The following GOLGA5 variants were observed in gnomAD, a reference collection of about 807,000 sequenced individuals.
The protein encoded by GOLGA5 is golgin subfamily A member 5.
In GOLGA5, 50 loss-of-function variants were observed where a neutral mutation model predicts 93.5. The observed-to-expected ratio is 0.53, with a 90% CI of 0.43 to 0.68. The LOEUF (loss-of-function observed/expected upper bound fraction) is 0.68, where lower values mean the gene tolerates loss of function less well. Among genes scored for constraint, GOLGA5 ranks in the 30% least tolerant of loss-of-function variants. The pLI, the probability that GOLGA5 is intolerant of heterozygous loss-of-function variation, is 0.00. For synonymous variants in GOLGA5, 312 were observed against 304.5 expected (o/e 1.02, Z -0.26); for missense variants, 760 against 856.4 (o/e 0.89, Z 1.40).
chr14:92,802,749 C>T (rs967593068), intron 2 of GOLGA5, among the ~76,000 whole-genome samples: 1 of 150,838 alleles, frequency 6.6e-6, no homozygotes, highest in Non-Finnish European at 1.5e-5. Context: ...TTTAATAAAT[C>T]AATTTATTTA....
intron 5 of GOLGA5, among the ~76,000 whole-genome samples, 155 bp from the exon 6 acceptor site, chr14:92,811,396 A>G (rs1443033889): frequency 6.6e-6 from 1 of 152,202 alleles, no homozygotes; most frequent in African/African-American, 2.4e-5. Flanking sequence ...TACATTTCCT[A>G]TACTTTAGCT....
rs771959999 is a variant in GOLGA5, at chr14:92,809,461, G to A, written c.934G>A (p.Asp312Asn). 5 of 1,614,000 alleles carry A rather than the reference G, an allele frequency of 3.1e-6. No individual in the cohort carries two copies. In the South Asian group the frequency reaches 4.4e-5, roughly 14 times the overall value. ...ACTGAAAGTGAGACTCCAGGAAGCT[G>A]ACCAGCTACTGAGTACTCGCACAGA... ...AVLKVRLQEA[D>N]QLLSTRTEAL... Residue 312 changes from aspartate (D) to asparagine (N), a missense_variant, in exon 4 of 13, where the codon GAC (aspartate) becomes AAC (asparagine). By Grantham distance (23) the Asp-to-Asn change is conservative. Coordinates refer to ENST00000163416, the MANE Select transcript of GOLGA5 (RefSeq NM_005113.4).
chr14:92,827,877 C>T (rs1335819097), intron 9 of GOLGA5, among the ~76,000 whole-genome samples: 3 of 152,182 alleles, frequency 2.0e-5, no homozygotes, highest in Non-Finnish European at 4.4e-5. Flanking sequence ...TCCCTTAAGC[C>T]GAAGCCTAAT....
At position 92,837,353 on chromosome 14, in the gene GOLGA5, T is replaced by G. The variant is rs748167479; in HGVS notation, c.2052-33T>G. 52 of 1,097,650 alleles carry G rather than the reference T, an allele frequency of 4.7e-5. 1 individual carries two copies. The Admixed American group carries it at 1.0e-3, about 22-fold the overall frequency. The allele number at this position is 1,097,650 out of a possible 1,614,324, so 68.0% of individuals were successfully genotyped here. On this transcript the variant is annotated intron_variant, in intron 11 of 12. Transcript: ENST00000163416. The stretch of plus-strand genomic sequence containing the variant: ...ATTTGTTTTGACTGTGACTCTTCTC[T>G]CTCCTCTCCCCCTCACACCTGTGTC...
chr14:92,839,646 A>G lies in GOLGA5; in HGVS notation c.*200A>G, dbSNP rs752074655. ...ATGGTAAGAGTTTCTAAAACAGACA[A>G]TAATTTAACAAGCTCAGCTCTGCTT... is the stretch of plus-strand genomic sequence containing the variant. On this transcript the variant is annotated 3_prime_UTR_variant, in exon 13 of 13. Coordinates refer to ENST00000163416, the MANE Select transcript of GOLGA5 (RefSeq NM_005113.4). 648 of 589,812 alleles carry G rather than the reference A, an allele frequency of 1.1e-3. 7 individuals are homozygous for G. Among genetic ancestry groups the G allele is most frequent in the Admixed American group, 7.3e-4 (24 of 33,088 alleles). 36.5% of individuals were successfully genotyped at this position (589,812 alleles called of 1,614,324 possible).
At chr14:92,814,698 T>C (rs1223219783) in intron 6 of GOLGA5, among the ~76,000 whole-genome samples, 1 of 152,226 alleles carries the variant, frequency 6.6e-6, no homozygotes, top group Non-Finnish European at 1.5e-5. Flanking sequence ...AAATTATTTT[T>C]GATGGAGGAG....
At chr14:92,816,847 A>C (rs1368878735) in intron 7 of GOLGA5, among the ~76,000 whole-genome samples, 1 of 152,226 alleles carries the variant, frequency 6.6e-6, no homozygotes, top group Non-Finnish European at 1.5e-5. Context: ...GGGCTGTTGC[A>C]GCCCGTGCTG....
At chr14:92,813,171 C>T (rs1353835456) in intron 6 of GOLGA5, among the ~76,000 whole-genome samples, 1 of 152,180 alleles carries the variant, frequency 6.6e-6, no homozygotes, top group Non-Finnish European at 1.5e-5. Context: ...TTGATCTCCT[C>T]CTCAAACTCT....
At chr14:92,794,953 T>G (rs974694938) in intron 1 of GOLGA5, among the ~76,000 whole-genome samples, 5 of 152,246 alleles carry the variant, frequency 3.3e-5, no homozygotes, top group African/African-American at 1.2e-4. Flanking sequence ...CCTTCGTGTC[T>G]TTGAGATGTT....
chr14:92,809,223 CAA>C (rs1468283671), intron 3 of GOLGA5, 75 bp from the exon 4 acceptor site: 22 of 946,326 alleles, frequency 2.3e-5, no homozygotes, highest in Non-Finnish European at 3.6e-5. Context: ...TAAAGGCACT[CAA>C]AGTAGAAACT....
chr14:92,819,885 A>G (rs17128596), intron 8 of GOLGA5, 49 bp downstream of exon 8: 93,575 of 1,587,234 alleles, frequency 0.059, 3,050 homozygotes, highest in African/African-American at 0.098. Flanking sequence ...TCTAGCGGTC[A>G]TATGAGCAGA....
At chr14:92,822,587 T>A (rs1448733570) in intron 8 of GOLGA5, among the ~76,000 whole-genome samples, 1 of 152,198 alleles carries the variant, frequency 6.6e-6, no homozygotes, top group Non-Finnish European at 1.5e-5. Context: ...TAATATGAAT[T>A]GCAAATAATT....
intron 11 of GOLGA5, 87 bp downstream of exon 11, chr14:92,835,751 A>G (rs1388537473): frequency 4.3e-6 from 3 of 699,272 alleles, no homozygotes; most frequent in Non-Finnish European, 5.2e-6. Flanking sequence ...CCCATCAGGC[A>G]GAGTCTATAT....
intron 2 of GOLGA5, among the ~76,000 whole-genome samples, chr14:92,799,630 G>C (rs555625284): frequency 6.7e-6 from 1 of 148,478 alleles, no homozygotes; most frequent in Non-Finnish European, 1.5e-5. Flanking sequence ...TTTGTGAGAC[G>C]GAGTCTCGCT....
At chr14:92,838,564 C>T (rs1484981648) in intron 12 of GOLGA5, among the ~76,000 whole-genome samples, 2 of 152,082 alleles carry the variant, frequency 1.3e-5, no homozygotes, top group Non-Finnish European at 1.5e-5. Context: ...TGGGTTTTCA[C>T]TATGTTGGCC....
In GOLGA5 at chr14:92,833,264, G is replaced by A. The variant is rs368512639; in HGVS notation, c.1862G>A (p.Arg621His). The A allele has an allele frequency of 1.6e-5, 26 of 1,613,862 alleles. No individual in the cohort carries two copies. Among genetic ancestry groups the A allele is most frequent in the South Asian group, 1.4e-4 (13 of 91,072 alleles). The change falls in exon 10 of 13, where the codon CGC becomes CAC. Residue 621 changes from arginine (R) to histidine (H), a missense_variant. Transcript: ENST00000163416. ...EKNSLVFQLE[R>H]LEQQMNSASG... ...AACTCCCTGGTCTTTCAACTGGAGCGCCTCGAACAGCAGATGAACTCCGCC... is the reference window on the plus strand; with the variant it reads ...AACTCCCTGGTCTTTCAACTGGAGCACCTCGAACAGCAGATGAACTCCGCC...
At chr14:92,837,825 G>C (rs1885678451) in intron 12 of GOLGA5, among the ~76,000 whole-genome samples, 1 of 152,144 alleles carries the variant, frequency 6.6e-6, no homozygotes, top group African/African-American at 2.4e-5. Context: ...TGGCCTCTCA[G>C]AGTGCTGGGA....
rs745911234 is a variant in GOLGA5 at position 92,809,323 on chromosome 14, G to A, written c.796G>A (p.Val266Ile). 4.3e-6 allele frequency: 7 copies of A among 1,612,452 alleles called. No homozygotes were observed. The Admixed American group carries it at 8.3e-5, about 19-fold the overall frequency. The part of the protein sequence containing the change: ...QEELNKARAR[V>I]EKWNADHSKS... The stretch of plus-strand genomic sequence containing the variant: ...AGAATTAAACAAAGCAAGAGCAAGA[G>A]TTGAAAAGTGGAATGCTGACCATTC... The change falls in exon 4 of 13, where the codon GTT (valine) becomes ATT (isoleucine). Residue 266 changes from valine (V) to isoleucine (I), a missense_variant. By Grantham distance (29) the Val-to-Ile change is conservative. Transcript: ENST00000163416.
chr14:92,828,673 TA>T (rs1885468014), intron 9 of GOLGA5, among the ~76,000 whole-genome samples: 1 of 152,222 alleles, frequency 6.6e-6, no homozygotes, highest in South Asian at 2.1e-4. Context: ...TTAATTTATT[TA>T]TTTTTATTTT....
Sources: allele counts gnomAD v4.1 joint callset (sites outside exome capture counted in the v4.1 genomes callset), GRCh38; gene constraint gnomAD v4.1.1; transcripts MANE v1.5; gene names NCBI Gene and HGNC (gene_info 2026-07-23, HGNC 2026-07-21).